FBXO16: variants seen among roughly 807,000 people sequenced by gnomAD.
FBXO16 encodes F-box only protein 16.
In FBXO16, 31 loss-of-function variants were observed where a neutral mutation model predicts 41.0. That is an observed-to-expected ratio of 0.76 (90% CI 0.57 to 1.02). The LOEUF (loss-of-function observed/expected upper bound fraction) is 1.02, where lower values mean the gene tolerates loss of function less well. FBXO16 is among the 50% of genes least tolerant of loss of function. FBXO16 has a pLI of 0.00. For missense variants in FBXO16, 361 were observed against 346.2 expected (o/e 1.04, Z -0.34); for synonymous variants, 133 against 117.8 (o/e 1.13, Z -0.84).
At chr8:28,480,794 T>A (rs907455789) in intron 2 of FBXO16, among the ~76,000 whole-genome samples, 7 of 152,134 alleles carry the variant, frequency 4.6e-5, no homozygotes, top group Non-Finnish European at 1.0e-4. Flanking sequence ...TGTGAGCCAC[T>A]GTGCCTAGCC....
At chr8:28,487,606 G>C (rs760323905) in intron 1 of FBXO16, among the ~76,000 whole-genome samples, 6 of 152,002 alleles carry the variant, frequency 3.9e-5, no homozygotes, top group Middle Eastern at 3.4e-3. Flanking sequence ...TGTTGGTCAG[G>C]CTTGTCTTGA....
intron 2 of FBXO16, among the ~76,000 whole-genome samples, chr8:28,476,794 C>T (rs574113950): frequency 6.6e-6 from 1 of 152,298 alleles, no homozygotes; most frequent in Non-Finnish European, 1.5e-5. Context: ...ACTTTTTTAA[C>T]ATGTACTGTA....
At chr8:28,442,806 C>T (rs1034113914) in intron 7 of FBXO16, among the ~76,000 whole-genome samples, 13 of 152,266 alleles carry the variant, frequency 8.5e-5, no homozygotes, top group East Asian at 3.9e-4. Context: ...TTCAAGGTGG[C>T]GGGTTTTGAA....
At chr8:28,445,312 T>C (rs1311881531) in intron 7 of FBXO16, among the ~76,000 whole-genome samples, 1 of 152,238 alleles carries the variant, frequency 6.6e-6, no homozygotes, top group African/African-American at 2.4e-5. Context: ...TTATAATGAA[T>C]GCTTTCACTT....
At chr8:28,465,325 G>A (rs536380953) in intron 3 of FBXO16, 159 of 426,738 alleles carry the variant, frequency 3.7e-4, no homozygotes, top group African/African-American at 2.9e-3. Flanking sequence ...GAAATGTGTT[G>A]AAGAAAGGAG....
At chr8:28,485,197 G>A (rs1803583106) in intron 1 of FBXO16, among the ~76,000 whole-genome samples, 1 of 152,070 alleles carries the variant, frequency 6.6e-6, no homozygotes, top group Non-Finnish European at 1.5e-5. Flanking sequence ...TTTTGAGAAG[G>A]AGTCTTGCCC....
chr8:28,462,865 T>C (rs1803160006), intron 4 of FBXO16, among the ~76,000 whole-genome samples: 1 of 152,252 alleles, frequency 6.6e-6, no homozygotes, highest in Non-Finnish European at 1.5e-5. Flanking sequence ...ATTAGGTCCT[T>C]ATTTTGAGCT....
intron 7 of FBXO16, among the ~76,000 whole-genome samples, chr8:28,429,939 T>C (rs1459354367): frequency 6.6e-6 from 1 of 152,206 alleles, no homozygotes; most frequent in Non-Finnish European, 1.5e-5. Flanking sequence ...AGCAGGTGGA[T>C]TCCCGAAGCC....
intron 3 of FBXO16, chr8:28,465,522 G>A (rs1214387563): frequency 2.9e-6 from 1 of 346,344 alleles, no homozygotes; most frequent in Non-Finnish European, 6.0e-6. Flanking sequence ...GGCTGAGGTG[G>A]GAGAATTGCT....
chr8:28,473,579 A>G (rs1007419798), intron 3 of FBXO16, among the ~76,000 whole-genome samples, 193 bp downstream of exon 3: 2 of 152,208 alleles, frequency 1.3e-5, no homozygotes, highest in African/African-American at 4.8e-5. Flanking sequence ...TGAATCTGCC[A>G]GCACCTTGAT....
At chr8:28,479,821 A>G (rs936894424) in intron 2 of FBXO16, among the ~76,000 whole-genome samples, 1 of 152,000 alleles carries the variant, frequency 6.6e-6, no homozygotes, top group African/African-American at 2.4e-5. Context: ...CCTGGGCTCA[A>G]GCGATCCTCC....
At position 28,457,866 on chromosome 8, in the gene FBXO16, T is replaced by C. The variant is rs1283886605; in HGVS notation, c.343-936A>G. ...AAAGCACTTATTATGTACATACCAG[T>C]TCCACAGCATTATGGCTAATCCCAC... On this transcript the variant is annotated intron_variant, in intron 4 of 8. Coordinates refer to ENST00000380254, the MANE Select transcript of FBXO16 (RefSeq NM_172366.4). Among the ~76,000 whole-genome samples, 9 of 152,344 alleles carry C rather than the reference T, an allele frequency of 5.9e-5. No individual in the cohort carries two copies. In the East Asian group the frequency reaches 1.7e-3, roughly 29 times the overall value.
intron 7 of FBXO16, among the ~76,000 whole-genome samples, chr8:28,432,959 G>A (rs947943320): frequency 6.6e-6 from 1 of 151,866 alleles, no homozygotes; most frequent in African/African-American, 2.4e-5. Context: ...TACTTGGGAG[G>A]CCGAGACAGG....
At chr8:28,453,961 C>T (rs1435000692) in intron 5 of FBXO16, among the ~76,000 whole-genome samples, 4 of 151,790 alleles carry the variant, frequency 2.6e-5, no homozygotes, top group South Asian at 2.1e-4. Context: ...GTCAGGAGTT[C>T]GAGACCAGTC....
chr8:28,444,863 C>A (rs1802838859), intron 7 of FBXO16, among the ~76,000 whole-genome samples: 1 of 138,108 alleles, frequency 7.2e-6, no homozygotes, highest in Admixed American at 8.1e-5. Flanking sequence ...AATCCCCTAA[C>A]CTCGTGATCC....
chr8:28,449,315 CTTT>C (rs59021779), intron 6 of FBXO16, among the ~76,000 whole-genome samples: 53 of 94,808 alleles, frequency 5.6e-4, no homozygotes, highest in South Asian at 1.8e-3. Flanking sequence ...ATGTAGACTT[CTTT>C]TTTTTTTTTT....
Position 28,463,372 on chromosome 8 carries a change from GTGTGTGTT to G in FBXO16, c.342+232_342+239del, listed in dbSNP as rs899502417. On this transcript the variant is annotated intron_variant, in intron 4 of 8. Transcript: ENST00000380254. ...TGTGTTTGTGTATATGTGTGTATATGTGTGTGTTTGTGTGTTTGTGTTTGTATGTATTT... is the reference window on the plus strand; with the variant it reads ...TGTGTTTGTGTATATGTGTGTATATGTGTGTGTTTGTGTTTGTATGTATTT... Among the ~76,000 whole-genome samples the G allele has an allele frequency of 2.7e-3, 377 of 140,036 alleles. 4 individuals are homozygous for G. The highest frequency in any genetic ancestry group is 8.2e-3 in the African/African-American group (326 of 39,848). The allele number at this position is 140,036 out of a possible 152,430, so 91.9% of individuals were successfully genotyped here.
chr8:28,465,982 G>A (rs574741462), intron 3 of FBXO16, among the ~76,000 whole-genome samples: 8 of 152,276 alleles, frequency 5.3e-5, no homozygotes, highest in Admixed American at 3.3e-4. Context: ...CATTAGAGGC[G>A]TGGTGGCTCA....
chr8:28,472,113 A>C (rs554730620), intron 3 of FBXO16, among the ~76,000 whole-genome samples: 51 of 152,244 alleles, frequency 3.3e-4, no homozygotes, highest in Non-Finnish European at 4.9e-4. Context: ...GTTTGTTTTG[A>C]GACATGGTCT....
Sources: allele counts gnomAD v4.1 joint callset (sites outside exome capture counted in the v4.1 genomes callset), GRCh38; gene constraint gnomAD v4.1.1; transcripts MANE v1.5; gene names NCBI Gene and HGNC (gene_info 2026-07-23, HGNC 2026-07-21).